The following CDH13 variants were observed in gnomAD, a reference collection of about 807,000 sequenced individuals.
CDH13 encodes the protein cadherin-13.
CDH13 carries 24 observed loss-of-function variants against 63.8 expected under a neutral mutation model. The ratio of observed to expected loss-of-function variants is 0.38; its 90% CI spans 0.27 to 0.53. The LOEUF is 0.53. CDH13 is among the 20% of genes least tolerant of loss of function. The pLI is 0.85. For synonymous variants in CDH13, 503 were observed against 355.3 expected (o/e 1.42, Z -4.67); for missense variants, 1,049 against 903.1 (o/e 1.16, Z -2.07).
At chr16:82,764,600 A>C (rs926146845) in intron 1 of CDH13, among the ~76,000 whole-genome samples, 2 of 152,228 alleles carry the variant, frequency 1.3e-5, no homozygotes, top group Non-Finnish European at 2.9e-5. Context: ...TTTTGAGAAC[A>C]TAGTGAAGGC....
At chr16:83,387,118 T>C (rs1395732274) in intron 6 of CDH13, among the ~76,000 whole-genome samples, 1 of 152,022 alleles carries the variant, frequency 6.6e-6, no homozygotes, top group African/African-American at 2.4e-5. Flanking sequence ...CAGAAATGAG[T>C]GTTAGGTCAA....
chr16:83,186,394 C>T (rs1409940247), intron 4 of CDH13, among the ~76,000 whole-genome samples: 1 of 152,096 alleles, frequency 6.6e-6, no homozygotes, highest in Non-Finnish European at 1.5e-5. Flanking sequence ...GCCTCGGCCT[C>T]CCAAAGTGCT....
intron 4 of CDH13, among the ~76,000 whole-genome samples, chr16:83,134,590 A>AGAGAGAGT (rs1567863505): frequency 2.4e-4 from 12 of 49,422 alleles, no homozygotes; most frequent in African/African-American, 1.7e-3. Flanking sequence ...AGAGAGAGAG[A>AGAGAGAGT]GAGTGAGTTA....
intron 2 of CDH13, among the ~76,000 whole-genome samples, chr16:82,997,661 A>G (rs1912396359): frequency 6.6e-6 from 1 of 152,192 alleles, no homozygotes; most frequent in Non-Finnish European, 1.5e-5. Flanking sequence ...AGGTGAAAAT[A>G]CTGGGCACAA....
chr16:83,601,424 G>T (rs1209573314), intron 7 of CDH13, among the ~76,000 whole-genome samples: 1 of 152,168 alleles, frequency 6.6e-6, no homozygotes, highest in Non-Finnish European at 1.5e-5. Flanking sequence ...ACACTTATGT[G>T]AAGAGAGAGA....
intron 7 of CDH13, among the ~76,000 whole-genome samples, chr16:83,527,132 A>G (rs375890357): frequency 0.051 from 1,751 of 34,392 alleles, 39 homozygotes; most frequent in African/African-American, 0.12. Flanking sequence ...CTCTGTCTCA[A>G]AAAAAAAAAA....
intron 5 of CDH13, among the ~76,000 whole-genome samples, chr16:83,314,152 A>C (rs2090057785): frequency 6.6e-6 from 1 of 152,146 alleles, no homozygotes; most frequent in Admixed American, 6.5e-5. Flanking sequence ...TGTTGTGTCT[A>C]GTATTATTTA....
chr16:83,030,325 C>A (rs1916186515), intron 2 of CDH13, among the ~76,000 whole-genome samples: 1 of 152,046 alleles, frequency 6.6e-6, no homozygotes, highest in Non-Finnish European at 1.5e-5. Context: ...CCAGATCTGC[C>A]AAATTATAAT....
intron 2 of CDH13, among the ~76,000 whole-genome samples, chr16:83,007,836 AAGAG>A (rs1057019078): frequency 1.0e-3 from 154 of 152,000 alleles, no homozygotes; most frequent in African/African-American, 3.4e-3. Flanking sequence ...AAAAAAAAAA[AAGAG>A]AGAAAAGAAA....
intron 6 of CDH13, among the ~76,000 whole-genome samples, chr16:83,367,918 T>C (rs1421417831): frequency 6.6e-6 from 1 of 152,234 alleles, no homozygotes; most frequent in Non-Finnish European, 1.5e-5. Context: ...CATCCATGAA[T>C]ATAGAATGCC....
At chr16:83,319,084 G>A (rs2090166935) in intron 5 of CDH13, among the ~76,000 whole-genome samples, 1 of 151,624 alleles carries the variant, frequency 6.6e-6, no homozygotes, top group African/African-American at 2.4e-5. Flanking sequence ...TGAAGCTTAG[G>A]CATGGGTTGA....
chr16:83,416,593 C>T (rs1198903147), intron 6 of CDH13, among the ~76,000 whole-genome samples: 2 of 152,180 alleles, frequency 1.3e-5, no homozygotes, highest in African/African-American at 2.4e-5. Context: ...CATACTGATG[C>T]CTCCCAGAAG....
intron 7 of CDH13, among the ~76,000 whole-genome samples, chr16:83,568,049 C>T (rs1035591542): frequency 1.3e-5 from 2 of 152,168 alleles, no homozygotes; most frequent in African/African-American, 4.8e-5. Context: ...CACAAGCAGG[C>T]AGGATGCGCA....
chr16:83,292,367 C>T (rs1317742309), intron 5 of CDH13, among the ~76,000 whole-genome samples: 1 of 152,114 alleles, frequency 6.6e-6, no homozygotes, highest in African/African-American at 2.4e-5. Context: ...GTCCTGTGGC[C>T]ACTTTTCCAT....
At chr16:83,495,128 T>A (rs1407948614) in intron 7 of CDH13, among the ~76,000 whole-genome samples, 1 of 152,162 alleles carries the variant, frequency 6.6e-6, no homozygotes, top group Non-Finnish European at 1.5e-5. Flanking sequence ...CAAATATGAG[T>A]GACCATGGCC....
At chr16:83,453,134 A>G (rs905452900) in intron 6 of CDH13, among the ~76,000 whole-genome samples, 7 of 152,234 alleles carry the variant, frequency 4.6e-5, no homozygotes, top group African/African-American at 1.7e-4. Flanking sequence ...AAAACCAAAC[A>G]TTGTGTGTTC....
chr16:83,271,522 AC>A (rs201951349), intron 5 of CDH13, among the ~76,000 whole-genome samples: 32 of 149,122 alleles, frequency 2.1e-4, no homozygotes, highest in Middle Eastern at 3.5e-3. Flanking sequence ...AAACAAAACA[AC>A]AACAACAAAA....
intron 5 of CDH13, among the ~76,000 whole-genome samples, chr16:83,220,616 TAATA>T (rs144453327): frequency 0.11 from 6,954 of 65,668 alleles, 560 homozygotes; most frequent in African/African-American, 0.3. Flanking sequence ...TAATAAAAAA[TAATA>T]AATAAATAAA....
At chr16:83,785,398 C>T (rs1330909871) in intron 13 of CDH13, among the ~76,000 whole-genome samples, 2 of 152,312 alleles carry the variant, frequency 1.3e-5, no homozygotes, top group Admixed American at 6.5e-5. Flanking sequence ...TCCATGAGGA[C>T]ACTGACTTCC....
Sources: allele counts gnomAD v4.1 joint callset (sites outside exome capture counted in the v4.1 genomes callset), GRCh38; gene constraint gnomAD v4.1.1; transcripts MANE v1.5; gene names NCBI Gene and HGNC (gene_info 2026-07-23, HGNC 2026-07-21).